Variants in CD36 observed in about 807,000 individuals in gnomAD.
CD36 encodes platelet glycoprotein 4.
Under a neutral mutation model 55.2 loss-of-function variants are expected in CD36, and 119 were observed. That is an observed-to-expected ratio of 2.15 (90% confidence interval 1.86 to 2.51). CD36 has a LOEUF of 2.51. Among genes scored for constraint, CD36 ranks in the 30% most tolerant of loss-of-function variants. The probability of loss-of-function intolerance (pLI) is 0.00; values close to 1 mark genes in which losing one functional copy is unlikely to be tolerated. For missense variants in CD36, 819 were observed against 555.5 expected (o/e 1.47, Z -4.77); for synonymous variants, 186 against 193.6 (o/e 0.96, Z 0.33).
chr7:80,673,092 A>ATAAT (rs1228347138), intron 12 of CD36: 3 of 525,364 alleles, frequency 5.7e-6, no homozygotes, highest in African/African-American at 4.0e-5. Context: ...TTCTATGACA[A>ATAAT]TAATTAATTT....
In CD36 at chr7:80,667,745, T is replaced by C. The variant is rs1026293118; in HGVS notation, c.748+1256T>C. 9.3e-5 allele frequency among the ~76,000 whole-genome samples: 11 copies of C among 118,634 alleles called. No individual in the cohort carries two copies. The East Asian group carries it at 2.1e-3, about 23-fold the overall frequency. 77.8% of individuals were successfully genotyped at this position (118,634 alleles called of 152,430 possible). On this transcript the variant is annotated intron_variant, in intron 8 of 14. Transcript: ENST00000447544. ...CTGTTGGATTTGCAGGGGTTTTCTT[T>C]TGTTTTTTTTTTTTTTTTTTTTTGA...
At chr7:80,604,468 G>T (rs1792431373) in intron 1 of CD36, among the ~76,000 whole-genome samples, 1 of 136,612 alleles carries the variant, frequency 7.3e-6, no homozygotes, top group South Asian at 2.4e-4. Flanking sequence ...ATTCTGATTT[G>T]TATCTTCTGA....
intron 1 of CD36, among the ~76,000 whole-genome samples, chr7:80,612,869 A>T (rs574203626): frequency 6.6e-6 from 1 of 152,286 alleles, no homozygotes; most frequent in Admixed American, 6.5e-5. Flanking sequence ...TATATCCACT[A>T]AGCATTTTTT....
At position 80,671,086 on chromosome 7, in the gene CD36, T is replaced by C; in HGVS notation, c.928T>C (p.Tyr310His). The C allele has an allele frequency of 1.9e-6, 3 of 1,612,652 alleles. No individual in the cohort carries two copies. Among genetic ancestry groups the C allele is most frequent in the Non-Finnish European group, 1.7e-6 (2 of 1,178,844 alleles). The change falls in exon 10 of 15, where the codon TAT (tyrosine) becomes CAT (histidine). Residue 310 changes from tyrosine (Y) to histidine (H), a missense_variant. Transcript: ENST00000447544. ...CTCTCCAGTTGAAAACCCAGACAACTATTGTTTCTGCACAGAAAAAATTAT... is the reference window on the plus strand; with the variant it reads ...CTCTCCAGTTGAAAACCCAGACAACCATTGTTTCTGCACAGAAAAAATTAT... ...FASPVENPDN[Y>H]CFCTEKIISK...
chr7:80,658,581 C>T (rs1256231280), intron 4 of CD36, among the ~76,000 whole-genome samples: 7 of 152,172 alleles, frequency 4.6e-5, no homozygotes, highest in Admixed American at 3.3e-4. Context: ...CATCCTCAAC[C>T]TCCTAGGCTC....
intron 3 of CD36, among the ~76,000 whole-genome samples, chr7:80,654,020 G>A (rs1263290197): frequency 6.6e-6 from 1 of 152,032 alleles, no homozygotes; most frequent in African/African-American, 2.4e-5. Context: ...AAATGGACGG[G>A]GTTAGATAGT....
In CD36 at chr7:80,674,139, A is replaced by ATAAAATAAGTAAGTATGTACC. The variant is rs776530649; in HGVS notation, c.1412_*13dup. On this transcript the variant is annotated stop_gained and inframe_insertion, in exon 14 of 15. Transcript: ENST00000447544. LOFTEE classifies it high-confidence loss of function. Reference sequence around the variant, plus strand: ...ATATTGTGCATGCAGATCGAAAACAATAAAATAAGTAAGTATGTACCAAAA... The same window carrying ATAAAATAAGTAAGTATGTACC: ...ATATTGTGCATGCAGATCGAAAACAATAAAATAAGTAAGTATGTACCTAAAATAAGTAAGTATGTACCAAAA... 6.2e-7 allele frequency: 1 copy of ATAAAATAAGTAAGTATGTACC among 1,609,384 alleles called. No individual in the cohort carries two copies. The highest frequency in any genetic ancestry group is 8.5e-7 in the Non-Finnish European group (1 of 1,176,720).
upstream of CD36, among the ~76,000 whole-genome samples, chr7:80,637,923 A>C (rs1419454131): frequency 6.9e-6 from 1 of 145,172 alleles, no homozygotes; most frequent in Non-Finnish European, 1.5e-5. Flanking sequence ...TTTTTTTTTG[A>C]AAGTGACTTA....
At chr7:80,667,818 C>A (rs1439749670) in intron 8 of CD36, among the ~76,000 whole-genome samples, 1 of 134,376 alleles carries the variant, frequency 7.4e-6, no homozygotes, top group African/African-American at 2.9e-5. Flanking sequence ...GGTGCGATCT[C>A]GGCTCACTGC....
intron 1 of CD36, among the ~76,000 whole-genome samples, chr7:80,603,227 G>A (rs1414012833): frequency 6.6e-6 from 1 of 152,100 alleles, no homozygotes; most frequent in Non-Finnish European, 1.5e-5. Flanking sequence ...CACAATTAAG[G>A]TTGATACAAA....
chr7:80,674,854 A>ATAAC (rs1263732748), intron 14 of CD36, among the ~76,000 whole-genome samples: 1 of 152,086 alleles, frequency 6.6e-6, no homozygotes, highest in African/African-American at 2.4e-5. Flanking sequence ...GTGTGTTATA[A>ATAAC]TAACTTATTT....
rs141604812 is a variant in CD36 at position 80,672,016 on chromosome 7, T to A, written c.1101T>A (p.His367Gln). The change falls in exon 11 of 15, where the codon CAT (histidine) becomes CAA (glutamine). Residue 367 changes from histidine to glutamine, a missense_variant. Coordinates refer to ENST00000447544, the MANE Select transcript of CD36 (RefSeq NM_001001548.3). ...IDGLNPNEEEHRTYLDIEPIT... is the reference protein window; with the variant it reads ...IDGLNPNEEEQRTYLDIEPIT... ...GATTAAACCCAAATGAAGAAGAACATAGGACATACTTGGATATTGAACCTG... is the reference window on the plus strand; with the variant it reads ...GATTAAACCCAAATGAAGAAGAACAAAGGACATACTTGGATATTGAACCTG... 1.2e-6 allele frequency: 2 copies of A among 1,607,938 alleles called. No homozygotes were observed. Among genetic ancestry groups the A allele is most frequent in the African/African-American group, 2.7e-5 (2 of 74,770 alleles).
chr7:80,619,653 G>A (rs114932304), intron 1 of CD36, among the ~76,000 whole-genome samples: 2,661 of 125,278 alleles, frequency 0.021, no homozygotes, highest in Non-Finnish European at 0.024. Context: ...TCTCAAAACA[G>A]AAAAAAAAAA....
At chr7:80,648,632 T>C (rs1378405070) in intron 3 of CD36, among the ~76,000 whole-genome samples, 1 of 152,082 alleles carries the variant, frequency 6.6e-6, no homozygotes, top group East Asian at 1.9e-4. Flanking sequence ...TCATCTATTG[T>C]AAGCTATAAC....
At chr7:80,621,946 T>C (rs1207571933) in intron 1 of CD36, among the ~76,000 whole-genome samples, 2 of 152,218 alleles carry the variant, frequency 1.3e-5, no homozygotes, top group Non-Finnish European at 2.9e-5. Flanking sequence ...CGTGCTTTCC[T>C]CTGATTGATC....
intron 7 of CD36, chr7:80,665,781 A>AAAG (rs976669236): frequency 9.9e-5 from 15 of 152,254 alleles, no homozygotes; most frequent in African/African-American, 3.4e-4. Context: ...GAGTGGAAAA[A>AAAG]AAGTTTTTCC....
At chr7:80,612,984 G>A (rs552040782) in intron 1 of CD36, among the ~76,000 whole-genome samples, 2 of 152,096 alleles carry the variant, frequency 1.3e-5, no homozygotes, top group Non-Finnish European at 2.9e-5. Context: ...GGTAGTATAT[G>A]GATTCAAAAT....
chr7:80,672,975 C>CCAAT (rs766031110), intron 12 of CD36, 132 bp downstream of exon 12: 70 of 699,892 alleles, frequency 1.0e-4, no homozygotes, highest in Non-Finnish European at 1.6e-4. Context: ...CTTAATGTCA[C>CCAAT]CAATCATTAT....
chr7:80,638,200 A>C (rs1794552938), upstream of CD36, among the ~76,000 whole-genome samples: 2 of 151,958 alleles, frequency 1.3e-5, no homozygotes, highest in Non-Finnish European at 2.9e-5. Flanking sequence ...CGCTGTATAA[A>C]AAAGTACATT....
Sources: gnomAD v4.1 joint callset for allele counts (sites outside exome capture counted in the v4.1 genomes callset) on GRCh38, gnomAD v4.1.1 for gene constraint, MANE v1.5 for transcripts, NCBI Gene and HGNC (gene_info 2026-07-23, HGNC 2026-07-21) for gene names.